Variants in ROPN1B observed in about 807,000 individuals in gnomAD.
The protein encoded by ROPN1B is ropporin-1B.
ROPN1B carries 13 observed loss-of-function variants against 23.7 expected under a neutral mutation model. The observed-to-expected ratio is 0.55, with a 90% CI of 0.36 to 0.87. ROPN1B has a LOEUF of 0.87. Among genes scored for constraint, ROPN1B ranks in the 40% least tolerant of loss-of-function variants. The pLI, the probability that ROPN1B is intolerant of heterozygous loss-of-function variation, is 0.01. For synonymous variants in ROPN1B, 67 were observed against 100.4 expected (o/e 0.67, Z 1.99); for missense variants, 183 against 249.2 (o/e 0.73, Z 1.79).
At chr3:125,982,134 A>G (rs893178499) in intron 5 of ROPN1B, 136 bp from the exon 6 acceptor site, 1 of 668,846 alleles carries the variant, frequency 1.5e-6, no homozygotes, top group African/African-American at 1.9e-5. Flanking sequence ...AAAAATTTCA[A>G]GCTTTCTAGA....
chr3:125,981,926 T>G (rs754066140), intron 5 of ROPN1B, among the ~76,000 whole-genome samples: 1 of 152,140 alleles, frequency 6.6e-6, no homozygotes, highest in Non-Finnish European at 1.5e-5. Context: ...TGGAGGGTAA[T>G]AAGAAATAAT....
At position 125,983,450 on chromosome 3, in the gene ROPN1B, A is replaced by G. The variant is rs1938680612; in HGVS notation, c.*130A>G. 2 of 669,096 alleles carry G rather than the reference A, an allele frequency of 3.0e-6. No homozygotes were observed. The highest frequency in any genetic ancestry group is 3.6e-5 in the South Asian group (2 of 55,748). 41.4% of individuals were successfully genotyped at this position (669,096 alleles called of 1,614,324 possible). A position where few individuals can be genotyped will look rare whatever the true frequency, so the allele number is the denominator to read the frequency against. Reference sequence around the variant, plus strand: ...CACTAATAAACAAACATGTGAGATCAGAAATGTGCGGAATTAAGATGTGAA... The same window carrying G: ...CACTAATAAACAAACATGTGAGATCGGAAATGTGCGGAATTAAGATGTGAA... On this transcript the variant is annotated 3_prime_UTR_variant, in exon 7 of 7. Transcript: ENST00000514116.
chr3:125,975,225 T>C (rs977463145), intron 3 of ROPN1B, among the ~76,000 whole-genome samples: 2 of 152,234 alleles, frequency 1.3e-5, no homozygotes, highest in African/African-American at 2.4e-5. Context: ...ATGTAACATA[T>C]ATCTGTGTGT....
At chr3:125,973,296 T>C (rs1294902046) in intron 3 of ROPN1B, 2 of 337,118 alleles carry the variant, frequency 5.9e-6, no homozygotes, top group Non-Finnish European at 1.2e-5. Flanking sequence ...TCGGAGTCTC[T>C]GGGCCAGTGT....
chr3:125,977,776 T>C (rs1938476824), intron 5 of ROPN1B: 1 of 156,144 alleles, frequency 6.4e-6, no homozygotes, highest in Non-Finnish European at 1.4e-5. Flanking sequence ...TCAGTTTATA[T>C]GTATAGATAT....
At chr3:125,972,755 T>G (rs1009601255) in intron 3 of ROPN1B, 1 of 354,314 alleles carries the variant, frequency 2.8e-6, no homozygotes, top group Non-Finnish European at 5.6e-6. Context: ...GGTGTTTCTC[T>G]GAACTGATTT....
chr3:125,978,448 GT>G (rs1265926624), intron 5 of ROPN1B, among the ~76,000 whole-genome samples: 1 of 152,124 alleles, frequency 6.6e-6, no homozygotes, highest in African/African-American at 2.4e-5. Flanking sequence ...TGAAATTTTA[GT>G]CTGATGCAGT....
At chr3:125,973,613 G>A (rs1346143945) in intron 3 of ROPN1B, 1 of 156,028 alleles carries the variant, frequency 6.4e-6, no homozygotes, top group Admixed American at 6.3e-5. Flanking sequence ...TGACATTTAT[G>A]GAAGAGGCAT....
At position 125,978,756 on chromosome 3, in the gene ROPN1B, G is replaced by A. The variant is rs536277468; in HGVS notation, c.396+1591G>A. Among the ~76,000 whole-genome samples the A allele has an allele frequency of 5.0e-4, 76 of 152,262 alleles. No homozygotes were observed. In the South Asian group the frequency reaches 0.011, roughly 22 times the overall value. ...TGGTGTCAAGGGCCTCTTTGAGTCCGCCAGGGTGTGCTATCTGCTCCCTGG... is the reference window on the plus strand; with the variant it reads ...TGGTGTCAAGGGCCTCTTTGAGTCCACCAGGGTGTGCTATCTGCTCCCTGG... On this transcript the variant is annotated intron_variant, in intron 5 of 6. Transcript: ENST00000514116.
At chr3:125,976,373 TTGCATTGG>T (rs1938413591) in intron 4 of ROPN1B, among the ~76,000 whole-genome samples, 1 of 152,224 alleles carries the variant, frequency 6.6e-6, no homozygotes, top group East Asian at 1.9e-4. Context: ...TGTGCTCTTG[TTGCATTGG>T]TGGCCAACAA....
chr3:125,983,159 A>G, intron 6 of ROPN1B, 95 bp from the exon 7 acceptor site: 1 of 894,524 alleles, frequency 1.1e-6, no homozygotes, highest in Non-Finnish European at 1.8e-6. Context: ...AAGGAGCAAC[A>G]GCAGAATTAA....
chr3:125,978,913 C>T (rs774812763), intron 5 of ROPN1B, among the ~76,000 whole-genome samples: 24 of 152,060 alleles, frequency 1.6e-4, no homozygotes, highest in African/African-American at 5.8e-4. Flanking sequence ...CTTAGCCCAC[C>T]GTGTAGATGC....
intron 2 of ROPN1B, among the ~76,000 whole-genome samples, chr3:125,971,639 T>G (rs565871514): frequency 3.9e-5 from 6 of 152,230 alleles, no homozygotes; most frequent in Non-Finnish European, 8.8e-5. Context: ...TAATAAGAGC[T>G]GGATGACATG....
chr3:125,980,139 C>A (rs930221174), intron 5 of ROPN1B, among the ~76,000 whole-genome samples: 16 of 151,966 alleles, frequency 1.1e-4, no homozygotes, highest in Non-Finnish European at 1.5e-4. Context: ...AGTGGATCCC[C>A]AAAAAAATAT....
chr3:125,981,484 C>T (rs1938610113), intron 5 of ROPN1B, among the ~76,000 whole-genome samples: 1 of 152,136 alleles, frequency 6.6e-6, no homozygotes, highest in Admixed American at 6.5e-5. Context: ...CAGTAAACCA[C>T]CAAGATCTGT....
In ROPN1B at chr3:125,983,298, ACCCCAGGGTTT is replaced by A. The variant is rs1938674370; in HGVS notation, c.618_628del (p.Asn206LysfsTer12). On this transcript the variant is annotated frameshift_variant, in exon 7 of 7. Transcript: ENST00000514116. LOFTEE classifies it high-confidence loss of function. ...ATCACGGTGAATGACTTTACCCAAA[ACCCCAGGGTTT>A]GGCTGGAGTAACAGCACAATTTTGG... The A allele has an allele frequency of 6.2e-7, 1 of 1,613,468 alleles. No individual in the cohort carries two copies. Among genetic ancestry groups the A allele is most frequent in the Non-Finnish European group, 8.5e-7 (1 of 1,179,502 alleles).
Position 125,970,661 on chromosome 3 carries a change from C to A in ROPN1B, c.-58-456C>A, listed in dbSNP as rs115142803. 1.5e-3 allele frequency among the ~76,000 whole-genome samples: 231 copies of A among 152,058 alleles called. 1 individual carries two copies. The highest frequency in any genetic ancestry group is 5.3e-3 in the African/African-American group (219 of 41,474). On this transcript the variant is annotated intron_variant, in intron 1 of 6. Coordinates refer to ENST00000514116, the MANE Select transcript of ROPN1B (RefSeq NM_001308313.2). ...AATACTAAAAAAATTTTAAAAAATCCTTTTTTCCTCTGTACAGATTTAGTG... is the reference window on the plus strand; with the variant it reads ...AATACTAAAAAAATTTTAAAAAATCATTTTTTCCTCTGTACAGATTTAGTG...
chr3:125,982,748 A>C (rs1441358589), intron 6 of ROPN1B, among the ~76,000 whole-genome samples: 1 of 152,208 alleles, frequency 6.6e-6, no homozygotes, highest in Non-Finnish European at 1.5e-5. Context: ...TTAGGGGTGG[A>C]GCCCAGGAAT....
chr3:125,981,653 G>A (rs1938615646), intron 5 of ROPN1B, among the ~76,000 whole-genome samples: 2 of 152,096 alleles, frequency 1.3e-5, no homozygotes. Flanking sequence ...AAAATTCCTG[G>A]CACTCATTCT....
Sources: gnomAD v4.1 joint callset for allele counts (sites outside exome capture counted in the v4.1 genomes callset) on GRCh38, gnomAD v4.1.1 for gene constraint, MANE v1.5 for transcripts, NCBI Gene and HGNC (gene_info 2026-07-23, HGNC 2026-07-21) for gene names.